FNDC3A: variants seen among roughly 807,000 people sequenced by gnomAD.
FNDC3A encodes fibronectin type III domain containing 3A, also known as fibronectin type-III domain-containing protein 3A.
FNDC3A carries 32 observed loss-of-function variants against 148.9 expected under a neutral mutation model. The ratio of observed to expected loss-of-function variants is 0.21; its 90% CI spans 0.16 to 0.29. FNDC3A has a LOEUF of 0.29. Ranked by LOEUF, FNDC3A falls within the 10% of genes least tolerant of loss-of-function variation. The pLI is 1.00. For missense variants in FNDC3A, 1,191 were observed against 1,452.8 expected (o/e 0.82, Z 2.93); for synonymous variants, 472 against 473.6 (o/e 1.00, Z 0.04).
chr13:49,033,518 A>C (rs1320812581), intron 2 of FNDC3A, among the ~76,000 whole-genome samples: 1 of 152,152 alleles, frequency 6.6e-6, no homozygotes, highest in African/African-American at 2.4e-5. Context: ...ATGAGGTCCA[A>C]CTTGCCAGTG....
intron 2 of FNDC3A, among the ~76,000 whole-genome samples, chr13:49,040,074 G>T (rs1020982553): frequency 2.6e-5 from 4 of 152,144 alleles, no homozygotes; most frequent in Non-Finnish European, 5.9e-5. Context: ...TAGGACACTT[G>T]TAAGAATAAC....
At chr13:49,060,536 C>T (rs1011215593) in intron 2 of FNDC3A, among the ~76,000 whole-genome samples, 1 of 150,560 alleles carries the variant, frequency 6.6e-6, no homozygotes, top group African/African-American at 2.5e-5. Flanking sequence ...CCCAGCTACT[C>T]GGGAGGCTGA....
intron 3 of FNDC3A, among the ~76,000 whole-genome samples, chr13:49,080,306 G>T (rs1276959809): frequency 1.3e-5 from 2 of 152,040 alleles, no homozygotes; most frequent in African/African-American, 4.8e-5. Flanking sequence ...TAAAAGTGTA[G>T]TCTTCTGTTT....
chr13:49,028,257 G>A (rs759259407), intron 2 of FNDC3A, among the ~76,000 whole-genome samples: 3 of 151,842 alleles, frequency 2.0e-5, no homozygotes, highest in Non-Finnish European at 4.4e-5. Flanking sequence ...CACTCTATAA[G>A]AGACACTCTT....
At chr13:49,158,409 C>A (rs774196049) in intron 8 of FNDC3A, among the ~76,000 whole-genome samples, 2 of 152,210 alleles carry the variant, frequency 1.3e-5, no homozygotes. Flanking sequence ...CACTGACCTG[C>A]GCCCACTGTC....
chr13:49,058,794 A>G (rs1240713172), intron 2 of FNDC3A, among the ~76,000 whole-genome samples: 1 of 152,182 alleles, frequency 6.6e-6, no homozygotes, highest in Non-Finnish European at 1.5e-5. Flanking sequence ...ATCTTTTAGT[A>G]TGTTGTCTAT....
chr13:49,184,022 G>A (rs1244489655), intron 14 of FNDC3A, among the ~76,000 whole-genome samples: 2 of 152,186 alleles, frequency 1.3e-5, no homozygotes, highest in Non-Finnish European at 2.9e-5. Flanking sequence ...TGCAATGCAG[G>A]TTAATTAAAA....
At chr13:49,110,295 C>T in intron 3 of FNDC3A, 7 of 1,520,614 alleles carry the variant, frequency 4.6e-6, no homozygotes, top group Non-Finnish European at 6.2e-6. Flanking sequence ...CCTCTTACAG[C>T]CTTGCAAAAA....
chr13:48,997,438 G>A (rs1448538340), intron 1 of FNDC3A, among the ~76,000 whole-genome samples: 1 of 152,200 alleles, frequency 6.6e-6, no homozygotes, highest in Non-Finnish European at 1.5e-5. Context: ...CTGAATGTTT[G>A]TATACCCCTC....
rs866850738 is a variant in FNDC3A at position 49,145,762 on chromosome 13, T to C, written c.820-16T>C. 2.5e-6 allele frequency: 4 copies of C among 1,611,266 alleles called. No individual in the cohort carries two copies. Among genetic ancestry groups the C allele is most frequent in the Admixed American group, 3.3e-5 (2 of 59,770 alleles). On this transcript the variant is annotated splice_polypyrimidine_tract_variant and intron_variant, in intron 7 of 25. Transcript: ENST00000492622. ...ACAGTTGTTTTAAAGAACTTTTAAA[T>C]GTTGTATTTTTACAGGCCTCCGACA...
At chr13:49,132,422 G>C (rs889370178) in intron 5 of FNDC3A, among the ~76,000 whole-genome samples, 1 of 152,140 alleles carries the variant, frequency 6.6e-6, no homozygotes, top group Non-Finnish European at 1.5e-5. Flanking sequence ...GTTTTAGGAC[G>C]GATAAGTCTT....
Position 49,175,421 on chromosome 13 carries a change from A to G in FNDC3A, c.1410A>G (p.Pro470=), listed in dbSNP as rs758569088. 3 of 1,612,770 alleles carry G rather than the reference A, an allele frequency of 1.9e-6. No homozygotes were observed. Among genetic ancestry groups the G allele is most frequent in the African/African-American group, 2.7e-5 (2 of 74,852 alleles). ...YYTSGCAPSM[P]ASPVLTKAGI... ...CCTCAGGCTGTGCTCCTTCTATGCC[A>G]GCAAGTCCTGTATTAACCAAGGCTG... Residue 470 remains proline, a synonymous_variant, in exon 13 of 26, where the codon CCA becomes CCG. Coordinates refer to ENST00000492622, the MANE Select transcript of FNDC3A (RefSeq NM_001079673.2).
At chr13:49,184,046 G>A (rs1885440441) in intron 14 of FNDC3A, among the ~76,000 whole-genome samples, 1 of 152,216 alleles carries the variant, frequency 6.6e-6, no homozygotes, top group Admixed American at 6.5e-5. Flanking sequence ...AATGGGGTAA[G>A]AGAGAATGAC....
intron 19 of FNDC3A, among the ~76,000 whole-genome samples, chr13:49,193,205 A>G (rs539575519): frequency 1.3e-5 from 2 of 152,158 alleles, no homozygotes; most frequent in Non-Finnish European, 2.9e-5. Context: ...GCCTTATAAC[A>G]TGTATAACAG....
At chr13:49,015,142 A>G (rs2137623994) in intron 2 of FNDC3A, among the ~76,000 whole-genome samples, 1 of 152,284 alleles carries the variant, frequency 6.6e-6, no homozygotes, top group East Asian at 1.9e-4. Flanking sequence ...GAAGAAAGTC[A>G]TTGGTAGCTT....
In FNDC3A at chr13:49,209,317, T is replaced by C. The variant is rs780685853; in HGVS notation, c.*1922T>C. ...TTCCTATTTTTGATAGTAAATGTCA[T>C]TTAATAGTATACTTGCCATTTGAGC... On this transcript the variant is annotated 3_prime_UTR_variant, in exon 26 of 26. Coordinates refer to ENST00000492622, the MANE Select transcript of FNDC3A (RefSeq NM_001079673.2). 1.3e-5 allele frequency: 2 copies of C among 152,652 alleles called. No individual in the cohort carries two copies. Among genetic ancestry groups the C allele is most frequent in the Non-Finnish European group, 2.9e-5 (2 of 68,022 alleles). 9.5% of individuals were successfully genotyped at this position (152,652 alleles called of 1,614,324 possible). A position where few individuals can be genotyped will look rare whatever the true frequency, so the allele number is the denominator to read the frequency against.
At chr13:49,188,784 A>G in intron 17 of FNDC3A, 151 bp downstream of exon 17, 1 of 652,522 alleles carries the variant, frequency 1.5e-6, no homozygotes, top group South Asian at 1.9e-5. Context: ...AGTGACCAAA[A>G]TATTCTAATG....
chr13:49,121,319 C>T (rs1006934506), intron 4 of FNDC3A, among the ~76,000 whole-genome samples: 40 of 152,162 alleles, frequency 2.6e-4, no homozygotes, highest in African/African-American at 7.9e-4. Flanking sequence ...CACAACATAC[C>T]GGAATCTTTG....
At chr13:49,131,455 A>G (rs1882031286) in intron 5 of FNDC3A, 81 bp downstream of exon 5, 1 of 1,053,380 alleles carries the variant, frequency 9.5e-7, no homozygotes, top group Non-Finnish European at 1.5e-6. Context: ...ATCATATCAC[A>G]TTAAAAAAAC....
Sources: gnomAD v4.1 joint callset for allele counts (sites outside exome capture counted in the v4.1 genomes callset) on GRCh38, gnomAD v4.1.1 for gene constraint, MANE v1.5 for transcripts, NCBI Gene and HGNC (gene_info 2026-07-23, HGNC 2026-07-21) for gene names.